The following IL1RAPL2 variants were observed in gnomAD, a reference collection of about 807,000 sequenced individuals.
IL1RAPL2 encodes interleukin 1 receptor accessory protein like 2.
IL1RAPL2 carries 3 observed loss-of-function variants against 44.1 expected under a neutral mutation model. That is an observed-to-expected ratio of 0.07 (90% CI 0.03 to 0.18). IL1RAPL2 has a LOEUF of 0.18. Ranked by LOEUF, IL1RAPL2 falls within the 10% of genes least tolerant of loss-of-function variation. IL1RAPL2 has a pLI of 1.00. For missense variants in IL1RAPL2, 391 were observed against 496.4 expected (o/e 0.79, Z 2.02); for synonymous variants, 181 against 178.8 (o/e 1.01, Z -0.10).
intron 2 of IL1RAPL2, among the ~76,000 whole-genome samples, chrX:104,709,307 G>A (rs1009219182): frequency 1.8e-5 from 2 of 110,629 alleles, no homozygotes; most frequent in African/African-American, 6.6e-5. Flanking sequence ...TTTCACAGAT[G>A]ACTGTACCAA....
intron 2 of IL1RAPL2, among the ~76,000 whole-genome samples, chrX:104,717,445 T>TA (rs767384557): frequency 0.012 from 1,036 of 83,517 alleles, 10 homozygotes; most frequent in South Asian, 0.044. Flanking sequence ...ACTTAAAAGT[T>TA]AAAAAAAAAA....
chrX:104,792,841 A>C (rs1932832547), intron 2 of IL1RAPL2, among the ~76,000 whole-genome samples: 1 of 112,182 alleles, frequency 8.9e-6, no homozygotes, highest in African/African-American at 3.2e-5. Flanking sequence ...AATTCTTAAG[A>C]TATTTATAGT....
chrX:105,174,158 A>C (rs1198522059), intron 2 of IL1RAPL2, among the ~76,000 whole-genome samples: 1 of 110,524 alleles, frequency 9.0e-6, no homozygotes, highest in African/African-American at 3.3e-5. Context: ...CAAATTTTCA[A>C]ATCTCCACCC....
intron 2 of IL1RAPL2, among the ~76,000 whole-genome samples, chrX:104,887,039 C>T (rs920707989): frequency 8.9e-6 from 1 of 112,541 alleles, no homozygotes; most frequent in Non-Finnish European, 1.9e-5. Context: ...TAATCTTAGC[C>T]AGAGAGACCA....
intron 6 of IL1RAPL2, among the ~76,000 whole-genome samples, chrX:105,504,762 A>C (rs1192900757): frequency 2.7e-5 from 3 of 111,798 alleles, no homozygotes; most frequent in Non-Finnish European, 3.8e-5. Context: ...GATTATAGAT[A>C]ATTATAAATT....
chrX:104,588,773 A>C (rs769175506), intron 1 of IL1RAPL2, among the ~76,000 whole-genome samples: 1 of 112,266 alleles, frequency 8.9e-6, no homozygotes, highest in South Asian at 3.7e-4. Context: ...ACTTCTGAAT[A>C]ATCTTCACTG....
At chrX:105,439,927 A>G (rs180896913) in intron 5 of IL1RAPL2, among the ~76,000 whole-genome samples, 427 of 112,290 alleles carry the variant, frequency 3.8e-3, no homozygotes, top group African/African-American at 0.013. Context: ...TCTGTTGATA[A>G]CTATTTGTGA....
intron 2 of IL1RAPL2, among the ~76,000 whole-genome samples, chrX:104,692,747 T>C (rs1931112764): frequency 8.9e-6 from 1 of 111,877 alleles, no homozygotes; most frequent in Admixed American, 9.5e-5. Context: ...TCTATCATCG[T>C]TGGACACTTG....
At chrX:104,810,961 CATTTACAT>C (rs1222318188) in intron 2 of IL1RAPL2, among the ~76,000 whole-genome samples, 2 of 112,011 alleles carry the variant, frequency 1.8e-5, no homozygotes, top group African/African-American at 6.5e-5. Context: ...TCTTTATTTA[CATTTACAT>C]ATTTACATAT....
chrX:104,841,927 G>T (rs1319356942), intron 2 of IL1RAPL2, among the ~76,000 whole-genome samples: 3 of 110,296 alleles, frequency 2.7e-5, no homozygotes. Flanking sequence ...GAATTTGAAT[G>T]TTGGCCTGTC....
At chrX:105,739,618 A>G (rs1454268173) in intron 7 of IL1RAPL2, among the ~76,000 whole-genome samples, 14 of 104,886 alleles carry the variant, frequency 1.3e-4, no homozygotes, top group East Asian at 9.5e-4. Flanking sequence ...TTGTTCTTGC[A>G]ATAGTTTACT....
chrX:104,849,355 A>AATATATATAT lies in IL1RAPL2; in HGVS notation c.82+190363_82+190372dup, dbSNP rs375364495. On this transcript the variant is annotated intron_variant, in intron 2 of 10. Coordinates refer to ENST00000372582, the MANE Select transcript of IL1RAPL2 (RefSeq NM_017416.2). ...GTGAGCCACCATGCTTGAACTATAT[A>AATATATATAT]ATATATATATATGGATTACTTACGG... Among the ~76,000 whole-genome samples the AATATATATAT allele has an allele frequency of 1.7e-4, 12 of 68,664 alleles. 1 individual carries two copies. Among genetic ancestry groups the AATATATATAT allele is most frequent in the Admixed American group, 3.0e-4 (2 of 6,633 alleles). The allele number at this position is 68,664 out of a possible 115,157, so 59.6% of individuals were successfully genotyped here.
chrX:105,030,802 G>A lies in IL1RAPL2; in HGVS notation c.83-164673G>A, dbSNP rs770969169. ...AAGAAAGTCATTGGTAGCTTGATAG[G>A]GATGGCATTGAATCTATAAATTACC... is the stretch of plus-strand genomic sequence containing the variant. On this transcript the variant is annotated intron_variant, in intron 2 of 10. Transcript: ENST00000372582. 6.3e-5 allele frequency among the ~76,000 whole-genome samples: 7 copies of A among 111,682 alleles called. No individual in the cohort carries two copies. In the South Asian group the frequency reaches 1.1e-3, roughly 18 times the overall value.
chrX:104,716,965 C>T (rs183294715), intron 2 of IL1RAPL2, among the ~76,000 whole-genome samples: 1 of 111,746 alleles, frequency 8.9e-6, no homozygotes, highest in Non-Finnish European at 1.9e-5. Context: ...TAAAGACACA[C>T]GCACATGTAT....
rs191980825 is a variant in IL1RAPL2 at position 104,940,848 on chromosome X, G to T, written c.83-254627G>T. Among the ~76,000 whole-genome samples, 6 of 106,375 alleles carry T rather than the reference G, an allele frequency of 5.6e-5. No homozygotes were observed. In the Admixed American group the frequency reaches 6.1e-4, roughly 11 times the overall value. The allele number at this position is 106,375 out of a possible 115,157, so 92.4% of individuals were successfully genotyped here. ...ACCCATTAACTCATCATTTACATTA[G>T]GTATATCTCCTAATGCTATCCCTCC... On this transcript the variant is annotated intron_variant, in intron 2 of 10. Coordinates refer to ENST00000372582, the MANE Select transcript of IL1RAPL2 (RefSeq NM_017416.2).
intron 2 of IL1RAPL2, among the ~76,000 whole-genome samples, chrX:105,084,453 G>T (rs2032454185): frequency 8.9e-6 from 1 of 112,950 alleles, no homozygotes; most frequent in Non-Finnish European, 1.9e-5. Context: ...AGTCGAAGAA[G>T]ATCAGTTCAG....
At chrX:105,408,246 GT>G (rs1308862125) in intron 5 of IL1RAPL2, among the ~76,000 whole-genome samples, 1 of 111,749 alleles carries the variant, frequency 8.9e-6, no homozygotes, top group Non-Finnish European at 1.9e-5. Context: ...TATTTTTTGT[GT>G]TTTTTTAAAC....
chrX:104,620,981 T>A (rs867840766), intron 1 of IL1RAPL2, among the ~76,000 whole-genome samples: 2 of 96,519 alleles, frequency 2.1e-5, no homozygotes, highest in Non-Finnish European at 3.9e-5. Context: ...TAATATAATA[T>A]AATAACATAT....
intron 6 of IL1RAPL2, among the ~76,000 whole-genome samples, chrX:105,691,926 C>G (rs2038038517): frequency 9.0e-6 from 1 of 111,246 alleles, no homozygotes; most frequent in Non-Finnish European, 1.9e-5. Context: ...TATAACATAG[C>G]TGAAAGAAAA....
Sources: gnomAD v4.1 joint callset for allele counts (sites outside exome capture counted in the v4.1 genomes callset) on GRCh38, gnomAD v4.1.1 for gene constraint, MANE v1.5 for transcripts, NCBI Gene and HGNC (gene_info 2026-07-23, HGNC 2026-07-21) for gene names.